RNF43: variants seen among roughly 807,000 people sequenced by gnomAD.
RNF43 encodes ring finger protein 43.
A neutral mutation model predicts 78.4 loss-of-function variants in RNF43; 37 were observed. The observed-to-expected ratio is 0.47, with a 90% confidence interval of 0.36 to 0.62. RNF43 has a LOEUF of 0.62. Among genes scored for constraint, RNF43 ranks in the 20% least tolerant of loss-of-function variants. The pLI is 0.00. For synonymous variants in RNF43, 347 were observed against 395.0 expected, an observed-to-expected ratio of 0.88 and a Z score of 1.44; for missense variants, 774 against 1,007.9, an observed-to-expected ratio of 0.77 and a Z score of 3.14.
intron 6 of RNF43, among the ~76,000 whole-genome samples, chr17:58,361,858 C>G (rs114997248): frequency 5.1e-4 from 78 of 152,328 alleles, no homozygotes; most frequent in African/African-American, 1.9e-3. Flanking sequence ...CACTCCCTCT[C>G]CCATTTAGGG....
At chr17:58,373,966 T>C (rs1973152629) in intron 2 of RNF43, among the ~76,000 whole-genome samples, 1 of 152,196 alleles carries the variant, frequency 6.6e-6, no homozygotes, top group Non-Finnish European at 1.5e-5. Context: ...TCCATCTCCA[T>C]GCTAATGATA....
At chr17:58,372,953 G>A (rs1373367507) in intron 2 of RNF43, among the ~76,000 whole-genome samples, 1 of 152,228 alleles carries the variant, frequency 6.6e-6, no homozygotes, top group Non-Finnish European at 1.5e-5. Flanking sequence ...ACATAAGGCT[G>A]GAAGGATCTG....
At chr17:58,400,587 C>T (rs896599085) in intron 2 of RNF43, among the ~76,000 whole-genome samples, 4 of 152,106 alleles carry the variant, frequency 2.6e-5, no homozygotes, top group Admixed American at 2.6e-4. Flanking sequence ...AAGCCACAAG[C>T]TCAAAGAGGT....
chr17:58,369,214 T>C (rs770522142), intron 3 of RNF43, among the ~76,000 whole-genome samples: 2 of 152,142 alleles, frequency 1.3e-5, no homozygotes, highest in Non-Finnish European at 2.9e-5. Flanking sequence ...CATCCAGAAG[T>C]AGGGCAGGCA....
intron 2 of RNF43, among the ~76,000 whole-genome samples, chr17:58,378,449 G>A (rs1973250484): frequency 6.6e-6 from 1 of 151,844 alleles, no homozygotes; most frequent in Admixed American, 6.6e-5. Flanking sequence ...TAGAGACAAG[G>A]TTTCACCATA....
chr17:58,395,716 G>A (rs1192120393), intron 2 of RNF43, among the ~76,000 whole-genome samples: 1 of 152,210 alleles, frequency 6.6e-6, no homozygotes, highest in African/African-American at 2.4e-5. Context: ...TGTAGATGAT[G>A]CAGGAACTGC....
chr17:58,392,985 T>C (rs763555099), intron 2 of RNF43, among the ~76,000 whole-genome samples: 4 of 152,226 alleles, frequency 2.6e-5, no homozygotes, highest in Non-Finnish European at 5.9e-5. Context: ...ACTGCGTGGA[T>C]TGTCTTCTGC....
In RNF43 at chr17:58,400,101, T is replaced by C. The variant is rs144502156; in HGVS notation, c.252+15225A>G. Among the ~76,000 whole-genome samples the C allele has an allele frequency of 3.1e-4, 47 of 152,298 alleles. No homozygotes were observed. In the East Asian group the frequency reaches 7.3e-3, roughly 24 times the overall value. On this transcript the variant is annotated intron_variant, in intron 2 of 9. Transcript: ENST00000407977. ...CTCATTGATCATGGAAGGAAGCTAA[T>C]GGGGTTACCAGTACGGAACAGGCAC...
intron 2 of RNF43, among the ~76,000 whole-genome samples, chr17:58,378,736 G>T (rs950424713): frequency 6.6e-6 from 1 of 152,086 alleles, no homozygotes; most frequent in Non-Finnish European, 1.5e-5. Flanking sequence ...AACCTCCTTG[G>T]GGGAACAGGG....
chr17:58,384,225 C>T (rs1973384419), intron 2 of RNF43, among the ~76,000 whole-genome samples: 1 of 152,202 alleles, frequency 6.6e-6, no homozygotes, highest in Non-Finnish European at 1.5e-5. Context: ...GGAATCTTCT[C>T]AGTTATCAAG....
intron 2 of RNF43, among the ~76,000 whole-genome samples, chr17:58,406,753 TAC>T (rs1267210408): frequency 1.3e-5 from 2 of 151,336 alleles, no homozygotes; most frequent in African/African-American, 4.8e-5. Flanking sequence ...TGGAAATCTA[TAC>T]TTTTTTTTTT....
chr17:58,359,902 G>A (rs953881535), intron 8 of RNF43, among the ~76,000 whole-genome samples: 8 of 151,900 alleles, frequency 5.3e-5, no homozygotes, highest in Admixed American at 5.2e-4. Flanking sequence ...CTCCAGCCTG[G>A]GCAATGAGAG....
chr17:58,369,800 G>T (rs1436561111), intron 3 of RNF43, among the ~76,000 whole-genome samples: 1 of 152,176 alleles, frequency 6.6e-6, no homozygotes, highest in African/African-American at 2.4e-5. Context: ...AAAAGTGAAT[G>T]AGATCATACA....
At position 58,357,881 on chromosome 17, in the gene RNF43, A is replaced by G. The variant is rs1394683047; in HGVS notation, c.1895T>C (p.Ile632Thr). 1.2e-5 allele frequency: 20 copies of G among 1,613,646 alleles called. No individual in the cohort carries two copies. Among genetic ancestry groups the G allele is most frequent in the Non-Finnish European group, 1.5e-5 (18 of 1,179,922 alleles). ...PAPGPVDASS[I>T]CPSTSSLFNL... ...GAACAGACTGCTGGTACTGGGGCAG[A>G]TGCTGGAGGCGTCAACTGGGCCAGG... Residue 632 changes from isoleucine to threonine, a missense_variant, in exon 9 of 10, where the codon ATC (isoleucine) becomes ACC (threonine). Ile to Thr is a moderately conservative substitution (Grantham distance 89). Transcript: ENST00000407977. This position sits in a 1 kb window ranked among gnomAD's most constrained non-coding sequence, Gnocchi z 4.5.
chr17:58,362,408 C>G, intron 6 of RNF43, 136 bp downstream of exon 6: 1 of 552,122 alleles, frequency 1.8e-6, no homozygotes, highest in Non-Finnish European at 3.1e-6. Context: ...TCAACAAAGA[C>G]AGACGCTGGG....
downstream of RNF43, chr17:58,352,569 C>T (rs140516609): frequency 0.011 from 2,457 of 217,572 alleles, 57 homozygotes; most frequent in Admixed American, 0.058. Context: ...TTTGTTTTGT[C>T]TCCCCGTTTT....
intron 2 of RNF43, among the ~76,000 whole-genome samples, chr17:58,390,444 T>C (rs1306163939): frequency 6.6e-6 from 1 of 152,196 alleles, no homozygotes; most frequent in Non-Finnish European, 1.5e-5. Flanking sequence ...CTTGGGATTC[T>C]GGTGTAAAGA....
intron 9 of RNF43, 148 bp from the exon 10 acceptor site, chr17:58,355,134 A>AG: frequency 1.3e-6 from 1 of 746,322 alleles, no homozygotes; most frequent in Non-Finnish European, 2.4e-6. Flanking sequence ...TTGAAAGCTA[A>AG]GGGGGCCCCA....
Position 58,354,770 on chromosome 17 carries a change from C to T in RNF43, c.*173G>A, listed in dbSNP as rs113013285. 7.3e-5 allele frequency: 47 copies of T among 648,060 alleles called. No homozygotes were observed. Among genetic ancestry groups the T allele is most frequent in the African/African-American group, 4.8e-4 (27 of 55,782 alleles). 40.1% of individuals were successfully genotyped at this position (648,060 alleles called of 1,614,324 possible). A position where few individuals can be genotyped will look rare whatever the true frequency, so the allele number is the denominator to read the frequency against. On this transcript the variant is annotated 3_prime_UTR_variant, in exon 10 of 10. Transcript: ENST00000407977. ...CAAGGTCTGGAGCTGGAGCAGGAAA[C>T]GGCACCCTCTCACCCTCCACCATCA...
Sources: allele counts gnomAD v4.1 joint callset (sites outside exome capture counted in the v4.1 genomes callset), GRCh38; gene constraint gnomAD v4.1.1; non-coding constraint Gnocchi (gnomAD v3.1); transcripts MANE v1.5; gene names NCBI Gene and HGNC (gene_info 2026-07-23, HGNC 2026-07-21).